Variants in UGT3A1 observed in about 807,000 individuals in gnomAD.
UGT3A1 encodes UDP-glycosyltransferase 3A1.
In UGT3A1, 40 loss-of-function variants were observed where a neutral mutation model predicts 37.6. The observed-to-expected ratio is 1.06, with a 90% confidence interval of 0.83 to 1.38. The LOEUF is 1.38. UGT3A1 is among the 40% of genes most tolerant of loss of function. The probability of loss-of-function intolerance (pLI) is 0.00; values close to 1 mark genes in which losing one functional copy is unlikely to be tolerated. For missense variants in UGT3A1, 642 were observed against 634.2 expected, an observed-to-expected ratio of 1.01 and a Z score of -0.13; for synonymous variants, 256 against 232.3, an observed-to-expected ratio of 1.10 and a Z score of -0.93.
chr5:35,975,490 G>A (rs1580942533), intron 2 of UGT3A1, among the ~76,000 whole-genome samples: 1 of 152,284 alleles, frequency 6.6e-6, no homozygotes, highest in East Asian at 1.9e-4. Flanking sequence ...TACCATCCAT[G>A]CACTTACAAA....
intron 1 of UGT3A1, among the ~76,000 whole-genome samples, chr5:36,000,033 G>T (rs1741184328): frequency 6.6e-6 from 1 of 152,152 alleles, no homozygotes; most frequent in African/African-American, 2.4e-5. Flanking sequence ...CAGCCCATAT[G>T]TTAACATTTC....
chr5:35,957,447 G>A, intron 4 of UGT3A1, 28 bp from the exon 5 acceptor site: 1 of 1,600,962 alleles, frequency 6.2e-7, no homozygotes, highest in Non-Finnish European at 8.5e-7. Flanking sequence ...AAGAAAGGAG[G>A]TGGCAAAATT....
At chr5:35,958,827 C>T (rs1580918249) in intron 4 of UGT3A1, among the ~76,000 whole-genome samples, 1 of 152,346 alleles carries the variant, frequency 6.6e-6, no homozygotes, top group East Asian at 1.9e-4. Context: ...CTATTTACAA[C>T]ATTCTAACCT....
At chr5:35,996,215 A>G (rs1202733475), upstream of UGT3A1, among the ~76,000 whole-genome samples, 3 of 152,194 alleles carry the variant, frequency 2.0e-5, no homozygotes, top group Admixed American at 1.3e-4. Flanking sequence ...CTGAAACAAA[A>G]GAAAAGGCAG....
chr5:35,983,619 A>G (rs1180534405), intron 2 of UGT3A1, among the ~76,000 whole-genome samples: 1 of 152,184 alleles, frequency 6.6e-6, no homozygotes, highest in African/African-American at 2.4e-5. Flanking sequence ...AGGCCAATAT[A>G]ACTGATGAAG....
intron 3 of UGT3A1, 47 bp downstream of exon 3, chr5:35,967,972 A>G (rs376593859): frequency 1.1e-4 from 154 of 1,405,992 alleles, no homozygotes; most frequent in Non-Finnish European, 1.5e-4. Flanking sequence ...ATTCATTTGT[A>G]TCACTAAAAT....
intron 2 of UGT3A1, among the ~76,000 whole-genome samples, chr5:35,986,645 T>C (rs2149990302): frequency 6.6e-6 from 1 of 151,948 alleles, no homozygotes; most frequent in East Asian, 1.9e-4. Context: ...AAGTAGAGAG[T>C]AGATTGGTGA....
chr5:35,973,082 G>A (rs1011843095), intron 2 of UGT3A1, among the ~76,000 whole-genome samples: 3 of 152,160 alleles, frequency 2.0e-5, no homozygotes, highest in African/African-American at 7.2e-5. Context: ...CTATGAATCT[G>A]GGGCTATTGA....
chr5:35,998,965 G>A (rs1410429226), intron 1 of UGT3A1, among the ~76,000 whole-genome samples: 2 of 152,014 alleles, frequency 1.3e-5, no homozygotes, highest in African/African-American at 2.4e-5. Flanking sequence ...GGCCGAGCGC[G>A]GTGGCTCACG....
intron 2 of UGT3A1, among the ~76,000 whole-genome samples, chr5:35,970,933 T>C (rs1740010289): frequency 6.6e-6 from 1 of 152,204 alleles, no homozygotes; most frequent in South Asian, 2.1e-4. Context: ...CTCATACCCA[T>C]GGTTATTAAA....
chr5:35,991,462 A>G, upstream of UGT3A1: 5 of 1,379,744 alleles, frequency 3.6e-6, no homozygotes, highest in Non-Finnish European at 3.7e-6. Flanking sequence ...TCACCCTATC[A>G]AACTACCTGA....
intron 4 of UGT3A1, among the ~76,000 whole-genome samples, chr5:35,959,409 A>T (rs533481421): frequency 1.3e-5 from 2 of 152,362 alleles, no homozygotes; most frequent in South Asian, 4.1e-4. Flanking sequence ...AAACTCTCTT[A>T]AATATGCCCA....
upstream of UGT3A1, chr5:35,991,507 A>C: frequency 7.9e-7 from 1 of 1,260,512 alleles, no homozygotes; most frequent in East Asian, 3.4e-5. Context: ...CTGATCTGTA[A>C]CCTTTCTCTG....
At chr5:35,966,579 A>G (rs10040617) in intron 3 of UGT3A1, among the ~76,000 whole-genome samples, 36,271 of 152,142 alleles carry the variant, frequency 0.24, 4,592 homozygotes, top group Non-Finnish European at 0.28. Context: ...ACTGACACCT[A>G]GTTAAGACTC....
Position 35,954,250 on chromosome 5 carries a change from A to G in UGT3A1, c.1524T>C (p.Gly508=), listed in dbSNP as rs758964239. The change falls in exon 7 of 7, where the codon GGT becomes GGC. Residue 508 remains glycine, a synonymous_variant. Coordinates refer to ENST00000274278, the MANE Select transcript of UGT3A1 (RefSeq NM_152404.4). ...CCCCACGCAGCCACCTGGCCACCACACCCAGCAGCTTCCCACAAAGCCACA... is the reference window on the plus strand; with the variant it reads ...CCCCACGCAGCCACCTGGCCACCACGCCCAGCAGCTTCCCACAAAGCCACA... ...GTMWLCGKLL[G]VVARWLRGAR... 1.2e-6 allele frequency: 2 copies of G among 1,614,086 alleles called. No individual in the cohort carries two copies. Among genetic ancestry groups the G allele is most frequent in the Non-Finnish European group, 1.7e-6 (2 of 1,180,010 alleles).
Position 35,951,501 on chromosome 5 carries a change from G to T in UGT3A1, c.*2701C>A, listed in dbSNP as rs1322941593. 6.6e-6 allele frequency: 1 copy of T among 151,822 alleles called. No individual in the cohort carries two copies. The highest frequency in any genetic ancestry group is 6.6e-5 in the Admixed American group (1 of 15,244). The allele number at this position is 151,822 out of a possible 1,614,324, so 9.4% of individuals were successfully genotyped here. A position where few individuals can be genotyped will look rare whatever the true frequency, so the allele number is the denominator to read the frequency against. On this transcript the variant is annotated 3_prime_UTR_variant, in exon 7 of 7. Coordinates refer to ENST00000274278, the MANE Select transcript of UGT3A1 (RefSeq NM_152404.4). ...CTCCATATTAGCTTATTCTGCTTTTGTTTATTGTAGTTTAAAGCTGAATAT... is the reference window on the plus strand; with the variant it reads ...CTCCATATTAGCTTATTCTGCTTTTTTTTATTGTAGTTTAAAGCTGAATAT...
intron 1 of UGT3A1, among the ~76,000 whole-genome samples, chr5:35,988,789 A>G (rs144135786): frequency 2.6e-5 from 4 of 152,242 alleles, no homozygotes; most frequent in South Asian, 4.1e-4. Flanking sequence ...TCCTCCATCA[A>G]AGATTTCCGC....
upstream of UGT3A1, among the ~76,000 whole-genome samples, chr5:35,991,880 G>A (rs1192425855): frequency 6.6e-6 from 1 of 152,144 alleles, no homozygotes; most frequent in Non-Finnish European, 1.5e-5. Context: ...GTCACTCCGG[G>A]TCTGTACCTG....
rs1364878840 is a variant in UGT3A1 at position 35,983,187 on chromosome 5, A to G, written c.196+5263T>C. On this transcript the variant is annotated intron_variant, in intron 2 of 6. Transcript: ENST00000274278. ...AAAATAAAAAGAGAAGATCCAAAAAAAAAATCAGAAACAGAAAAAAAGATA... is the reference window on the plus strand; with the variant it reads ...AAAATAAAAAGAGAAGATCCAAAAAGAAAATCAGAAACAGAAAAAAAGATA... Among the ~76,000 whole-genome samples the G allele has an allele frequency of 2.6e-5, 4 of 152,204 alleles. No homozygotes were observed. The South Asian group carries it at 8.3e-4, about 31-fold the overall frequency.
Sources: allele counts gnomAD v4.1 joint callset (sites outside exome capture counted in the v4.1 genomes callset), GRCh38; gene constraint gnomAD v4.1.1; transcripts MANE v1.5; gene names NCBI Gene and HGNC (gene_info 2026-07-23, HGNC 2026-07-21).